The following CHD7 variants were observed in gnomAD, a reference collection of about 807,000 sequenced individuals.
CHD7 encodes the protein chromodomain helicase DNA binding protein 7.
CHD7 carries 24 observed loss-of-function variants against 307.3 expected under a neutral mutation model. The observed-to-expected ratio is 0.08, with a 90% confidence interval of 0.06 to 0.11. CHD7 has a LOEUF of 0.11. CHD7 is among the 10% of genes least tolerant of loss of function. CHD7 has a pLI of 1.00. For missense variants in CHD7, 3,106 were observed against 3,727.1 expected (o/e 0.83, Z 4.34); for synonymous variants, 1,363 against 1,349.9 (o/e 1.01, Z -0.21).
intron 1 of CHD7, among the ~76,000 whole-genome samples, chr8:60,695,740 T>G (rs1428165052): frequency 6.6e-6 from 1 of 152,120 alleles, no homozygotes; most frequent in Admixed American, 6.5e-5. Flanking sequence ...ACACAAAAAT[T>G]TCCAAATTAT....
At position 60,865,103 on chromosome 8, in the gene CHD7, A is replaced by C. The variant is rs1586467143; in HGVS notation, c.8164A>C (p.Lys2722Gln). ...EGASRRGRRP[K>Q]SEIARAAAAA... Reference sequence around the variant, plus strand: ...AGCGAGCAGAAGAGGAAGAAGGCCCAAAAGTGAGATCGCCAGAGCAGCCGC... The same window carrying C: ...AGCGAGCAGAAGAGGAAGAAGGCCCCAAAGTGAGATCGCCAGAGCAGCCGC... Residue 2722 changes from lysine (K) to glutamine (Q), a missense_variant, in exon 38 of 38, where the codon AAA becomes CAA. Coordinates refer to ENST00000423902, the MANE Select transcript of CHD7 (RefSeq NM_017780.4). The surrounding 1 kb of genome is among the most constrained non-coding windows in gnomAD (Gnocchi z 4.3). 6.2e-7 allele frequency: 1 copy of C among 1,611,146 alleles called. No individual in the cohort carries two copies. Among genetic ancestry groups the C allele is most frequent in the Non-Finnish European group, 8.5e-7 (1 of 1,178,698 alleles).
rs1809117358 is a variant in CHD7, at chr8:60,742,770, A to G, written c.1338A>G (p.Gly446=). The change falls in exon 2 of 38, where the codon GGA becomes GGG. Residue 446 remains glycine (G), a synonymous_variant. Coordinates refer to ENST00000423902, the MANE Select transcript of CHD7 (RefSeq NM_017780.4). The part of the protein sequence containing the change: ...SHQPPGAMGI[G]QRNMGPRNMQ... ...AGCCCCCTGGTGCCATGGGAATCGGACAGAGGAATATGGGCCCCAGAAACA... is the reference window on the plus strand; with the variant it reads ...AGCCCCCTGGTGCCATGGGAATCGGGCAGAGGAATATGGGCCCCAGAAACA... 2.5e-6 allele frequency: 4 copies of G among 1,614,024 alleles called. No individual in the cohort carries two copies. The highest frequency in any genetic ancestry group is 3.4e-6 in the Non-Finnish European group (4 of 1,179,894).
At chr8:60,831,135 T>A (rs1002865936) in intron 15 of CHD7, among the ~76,000 whole-genome samples, 4 of 152,218 alleles carry the variant, frequency 2.6e-5, no homozygotes, top group African/African-American at 9.6e-5. Context: ...ACTCATGGCT[T>A]AAAACCTTTA....
chr8:60,851,207 A>G, intron 27 of CHD7, 55 bp from the exon 28 acceptor site: 3 of 1,521,992 alleles, frequency 2.0e-6, no homozygotes, highest in East Asian at 4.9e-5. Context: ...TTTAAAAGAC[A>G]AAGAAAAATG....
chr8:60,853,069 A>T lies in CHD7; in HGVS notation c.6344A>T (p.His2115Leu). Residue 2115 changes from histidine (H) to leucine (L), a missense_variant, in exon 31 of 38, where the codon CAC becomes CTC. Physicochemically the swap from His to Leu is moderately conservative, Grantham distance 99 (BLOSUM62 -3). Around this residue, in one of 10 missense-constraint regions of CHD7, gnomAD observed 1,030 missense variants for 1,165.4 expected, o/e 0.88. Coordinates refer to ENST00000423902, the MANE Select transcript of CHD7 (RefSeq NM_017780.4). Reference protein sequence around the residue: ...AKHGVSRTDYHILNDPELSFL... With the variant: ...AKHGVSRTDYLILNDPELSFL... ...CACGGGGTCAGTCGGACGGATTATC[A>T]CATCCTCAATGACCCTGAGTTATCC... The T allele has an allele frequency of 6.2e-7, 1 of 1,613,942 alleles. No homozygotes were observed. Among genetic ancestry groups the T allele is most frequent in the South Asian group, 1.1e-5 (1 of 91,062 alleles).
chr8:60,688,048 G>T (rs1345102119), intron 1 of CHD7, among the ~76,000 whole-genome samples: 3 of 152,172 alleles, frequency 2.0e-5, no homozygotes, highest in Non-Finnish European at 4.4e-5. Flanking sequence ...TCCTCTGTTG[G>T]TGCCTGCTGT....
intron 1 of CHD7, among the ~76,000 whole-genome samples, chr8:60,731,228 A>AAAC (rs1808440171): frequency 6.6e-6 from 1 of 152,238 alleles, no homozygotes; most frequent in Non-Finnish European, 1.5e-5. Flanking sequence ...TAAAGAAAAA[A>AAAC]GTTTGTGTAT....
chr8:60,800,099 C>T (rs994364722), intron 4 of CHD7, among the ~76,000 whole-genome samples: 30 of 151,948 alleles, frequency 2.0e-4, no homozygotes, highest in African/African-American at 5.8e-4. Flanking sequence ...GGCGAAATCT[C>T]GGCTCACTGC....
At chr8:60,772,725 G>A (rs372238659) in intron 2 of CHD7, among the ~76,000 whole-genome samples, 33 of 152,330 alleles carry the variant, frequency 2.2e-4, no homozygotes, top group African/African-American at 7.9e-4. Flanking sequence ...AGGGCAATAT[G>A]CAAGGTGATG....
At chr8:60,802,858 A>G (rs1169119485) in intron 6 of CHD7, among the ~76,000 whole-genome samples, 2 of 152,188 alleles carry the variant, frequency 1.3e-5, no homozygotes, top group African/African-American at 4.8e-5. Flanking sequence ...CTTTCATTTC[A>G]TTAGTTTGTT....
chr8:60,789,076 G>A (rs967017188), intron 3 of CHD7, among the ~76,000 whole-genome samples: 1 of 152,044 alleles, frequency 6.6e-6, no homozygotes. Flanking sequence ...TAGTAGACAG[G>A]GCTTAAAGGA....
At chr8:60,844,118 C>CCT (rs1269110081) in intron 21 of CHD7, among the ~76,000 whole-genome samples, 1 of 152,170 alleles carries the variant, frequency 6.6e-6, no homozygotes, top group Non-Finnish European at 1.5e-5. Flanking sequence ...TGCCCCCGTA[C>CCT]CTATTTGTTG....
At chr8:60,773,755 C>T (rs535980677) in intron 2 of CHD7, among the ~76,000 whole-genome samples, 35 of 151,834 alleles carry the variant, frequency 2.3e-4, no homozygotes, top group African/African-American at 7.5e-4. Flanking sequence ...AATTAGGCCT[C>T]GATATTGATT....
chr8:60,827,453 G>A (rs752372453), intron 13 of CHD7, among the ~76,000 whole-genome samples: 2 of 151,982 alleles, frequency 1.3e-5, no homozygotes, highest in Non-Finnish European at 2.9e-5. Context: ...AATATGTGAT[G>A]GGACTTAAAA....
In CHD7 at chr8:60,800,424, T is replaced by C. The variant is rs1812247431; in HGVS notation, c.2275T>C (p.Tyr759His). 6.2e-7 allele frequency: 1 copy of C among 1,613,746 alleles called. No homozygotes were observed. Among genetic ancestry groups the C allele is most frequent in the African/African-American group, 1.3e-5 (1 of 74,938 alleles). Residue 759 changes from tyrosine to histidine, a missense_variant, in exon 5 of 38, where the codon TAC (tyrosine) becomes CAC (histidine). Around this residue, in one of 10 missense-constraint regions of CHD7, gnomAD observed 998 missense variants for 1,004.5 expected, o/e 0.99. Transcript: ENST00000423902. The part of the protein sequence containing the change: ...RSSRQVKRKR[Y>H]TEDLEFKISD... ...CAGCAGACAGGTGAAGAGAAAGCGCTACACTGAAGACCTGGAGTTCAAGAT... is the reference window on the plus strand; with the variant it reads ...CAGCAGACAGGTGAAGAGAAAGCGCCACACTGAAGACCTGGAGTTCAAGAT...
intron 6 of CHD7, among the ~76,000 whole-genome samples, chr8:60,804,393 G>A (rs1812447478): frequency 6.6e-6 from 1 of 151,908 alleles, no homozygotes; most frequent in African/African-American, 2.4e-5. Flanking sequence ...AATTGTGACT[G>A]TATTCCCTAA....
chr8:60,788,485 C>A (rs1181395898), intron 3 of CHD7, among the ~76,000 whole-genome samples: 1 of 152,190 alleles, frequency 6.6e-6, no homozygotes, highest in Admixed American at 6.5e-5. Flanking sequence ...AATAATTCTT[C>A]ATTGAACTTG....
intron 4 of CHD7, among the ~76,000 whole-genome samples, chr8:60,795,477 A>G (rs2150698779): frequency 6.6e-6 from 1 of 152,300 alleles, no homozygotes; most frequent in Middle Eastern, 3.4e-3. Context: ...ATTTCTCTAA[A>G]GTTTGGTTGA....
intron 34 of CHD7, among the ~76,000 whole-genome samples, chr8:60,860,529 A>G (rs1805921415): frequency 6.6e-6 from 1 of 152,134 alleles, no homozygotes; most frequent in Admixed American, 6.5e-5. Context: ...CTACCTCCTG[A>G]TTTCAAGTGA....
Sources: gnomAD v4.1 joint callset for allele counts (sites outside exome capture counted in the v4.1 genomes callset) on GRCh38, gnomAD v4.1.1 for gene constraint, gnomAD v4.1.1 regional missense constraint, Gnocchi (gnomAD v3.1) non-coding constraint, MANE v1.5 for transcripts, NCBI Gene and HGNC (gene_info 2026-07-23, HGNC 2026-07-21) for gene names.